Variants in BANK1 observed in about 807,000 individuals in gnomAD.
BANK1 encodes the protein B-cell scaffold protein with ankyrin repeats.
In BANK1, 95 loss-of-function variants were observed where a neutral mutation model predicts 94.5. That is an observed-to-expected ratio of 1.00 (90% CI 0.85 to 1.19). The LOEUF is 1.19. Among genes scored for constraint, BANK1 ranks in the 50% most tolerant of loss-of-function variants. The pLI, the probability that BANK1 is intolerant of heterozygous loss-of-function variation, is 0.00. For synonymous variants in BANK1, 334 were observed against 308.4 expected (o/e 1.08, Z -0.87); for missense variants, 987 against 932.2 (o/e 1.06, Z -0.77).
intron 6 of BANK1, among the ~76,000 whole-genome samples, chr4:101,899,800 A>G (rs577309379): frequency 1.3e-5 from 2 of 152,322 alleles, no homozygotes; most frequent in Admixed American, 1.3e-4. Context: ...CAGACAAGGA[A>G]TTACCTCTGG....
chr4:102,002,472 A>C (rs1426244458), intron 7 of BANK1, among the ~76,000 whole-genome samples: 2 of 152,028 alleles, frequency 1.3e-5, no homozygotes, highest in African/African-American at 2.4e-5. Context: ...ATGCACTCCA[A>C]AATATTAGTA....
intron 7 of BANK1, among the ~76,000 whole-genome samples, chr4:101,985,537 T>C (rs1302738846): frequency 6.6e-6 from 1 of 152,070 alleles, no homozygotes; most frequent in Non-Finnish European, 1.5e-5. Context: ...TAATATTGGG[T>C]AAAGGGTGTT....
chr4:101,974,600 G>A (rs1725061876), intron 7 of BANK1, among the ~76,000 whole-genome samples: 1 of 152,094 alleles, frequency 6.6e-6, no homozygotes, highest in African/African-American at 2.4e-5. Context: ...TGCCAGTAAT[G>A]TTATATGGCC....
At chr4:101,920,648 T>G (rs1722972457) in intron 7 of BANK1, among the ~76,000 whole-genome samples, 1 of 151,940 alleles carries the variant, frequency 6.6e-6, no homozygotes, top group African/African-American at 2.4e-5. Context: ...GGACTACACT[T>G]CTACTGAAGA....
In BANK1 at chr4:102,007,065, AT is replaced by A. The variant is rs1204711835; in HGVS notation, c.1207-14445del. Among the ~76,000 whole-genome samples the A allele has an allele frequency of 2.3e-3, 242 of 103,058 alleles. 4 individuals are homozygous for A. Among genetic ancestry groups the A allele is most frequent in the South Asian group, 0.018 (75 of 4,082 alleles). The allele number at this position is 103,058 out of a possible 152,430, so 67.6% of individuals were successfully genotyped here. ...AATATATATATATATAAAATATATA[AT>A]TTTATATATATATAAATATATATAT... On this transcript the variant is annotated intron_variant, in intron 7 of 16. Coordinates refer to ENST00000322953, the MANE Select transcript of BANK1 (RefSeq NM_017935.5).
intron 6 of BANK1, among the ~76,000 whole-genome samples, chr4:101,908,426 AAT>A (rs1338979942): frequency 1.3e-5 from 2 of 152,238 alleles, no homozygotes; most frequent in Non-Finnish European, 2.9e-5. Context: ...TAAAGACTTA[AAT>A]GTGAGACGTA....
chr4:102,058,557 C>T (rs1728311137), intron 11 of BANK1, among the ~76,000 whole-genome samples: 1 of 151,630 alleles, frequency 6.6e-6, no homozygotes, highest in Non-Finnish European at 1.5e-5. Flanking sequence ...TCTTGTAAAC[C>T]CTACCAAAAA....
intron 11 of BANK1, among the ~76,000 whole-genome samples, chr4:102,057,632 C>G (rs1348269802): frequency 6.6e-6 from 1 of 152,018 alleles, no homozygotes; most frequent in African/African-American, 2.4e-5. Flanking sequence ...CACCTGGACC[C>G]TAGTTATTTA....
At chr4:101,859,419 T>C (rs1246570816) in intron 3 of BANK1, among the ~76,000 whole-genome samples, 1 of 152,204 alleles carries the variant, frequency 6.6e-6, no homozygotes, top group African/African-American at 2.4e-5. Context: ...TCACCTCTTT[T>C]GTTAGGTCTC....
At chr4:101,926,607 T>C (rs1723160233) in intron 7 of BANK1, among the ~76,000 whole-genome samples, 1 of 151,532 alleles carries the variant, frequency 6.6e-6, no homozygotes, top group South Asian at 2.1e-4. Flanking sequence ...AATAAGACTA[T>C]AAATAAATAA....
intron 11 of BANK1, among the ~76,000 whole-genome samples, chr4:102,048,401 A>G (rs1231286557): frequency 2.0e-5 from 3 of 152,168 alleles, no homozygotes; most frequent in Admixed American, 1.3e-4. Context: ...TCATCCAACC[A>G]TATTTCTCTA....
At chr4:101,804,761 A>T (rs2148851803) in intron 1 of BANK1, among the ~76,000 whole-genome samples, 1 of 152,338 alleles carries the variant, frequency 6.6e-6, no homozygotes, top group Admixed American at 6.5e-5. Context: ...AATATAGTAT[A>T]TCAGACATAT....
chr4:101,807,443 G>C (rs770059065), intron 1 of BANK1, among the ~76,000 whole-genome samples: 2 of 152,134 alleles, frequency 1.3e-5, no homozygotes, highest in African/African-American at 4.8e-5. Flanking sequence ...AGGAACCAGA[G>C]CTCCAAACCG....
chr4:101,849,036 C>T (rs1727363853), intron 2 of BANK1, among the ~76,000 whole-genome samples: 1 of 152,166 alleles, frequency 6.6e-6, no homozygotes, highest in Non-Finnish European at 1.5e-5. Context: ...ACTTAGCCCC[C>T]TTGTACTTTA....
At chr4:101,872,988 A>G (rs937668275) in intron 5 of BANK1, among the ~76,000 whole-genome samples, 2 of 151,880 alleles carry the variant, frequency 1.3e-5, no homozygotes, top group African/African-American at 4.8e-5. Flanking sequence ...TCTCTGTCTC[A>G]AAAACTAAAG....
At position 101,867,026 on chromosome 4, in the gene BANK1, G is replaced by T. The variant is rs1728097905; in HGVS notation, c.764-3479G>T. 4.8e-5 allele frequency among the ~76,000 whole-genome samples: 2 copies of T among 41,950 alleles called. 1 individual carries two copies. The highest frequency in any genetic ancestry group is 1.2e-3 in the East Asian group (2 of 1,680). 27.5% of individuals were successfully genotyped at this position (41,950 alleles called of 152,430 possible). ...TCTGGGGACTGTGGTGGGGTCGGGGGAGGGGGGAGGGATAGCATTGGGAGA... is the reference window on the plus strand; with the variant it reads ...TCTGGGGACTGTGGTGGGGTCGGGGTAGGGGGGAGGGATAGCATTGGGAGA... On this transcript the variant is annotated intron_variant, in intron 4 of 16. Coordinates refer to ENST00000322953, the MANE Select transcript of BANK1 (RefSeq NM_017935.5).
intron 1 of BANK1, among the ~76,000 whole-genome samples, chr4:101,826,392 T>G (rs1009580099): frequency 6.6e-6 from 1 of 152,046 alleles, no homozygotes; most frequent in Non-Finnish European, 1.5e-5. Context: ...GAGGAAAACA[T>G]TAGTACTTAC....
rs542613472 is a variant in BANK1 at position 102,073,810 on chromosome 4, G to T, written c.*5+62G>T. 12 of 1,300,234 alleles carry T rather than the reference G, an allele frequency of 9.2e-6. No individual in the cohort carries two copies. The East Asian group carries it at 2.8e-4, about 30-fold the overall frequency. The allele number at this position is 1,300,234 out of a possible 1,614,324, so 80.5% of individuals were successfully genotyped here. A position where few individuals can be genotyped will look rare whatever the true frequency, so the allele number is the denominator to read the frequency against. On this transcript the variant is annotated intron_variant, in intron 16 of 16. Coordinates refer to ENST00000322953, the MANE Select transcript of BANK1 (RefSeq NM_017935.5). ...AAAGCAGCCTTGTTAGGGACTTGAA[G>T]GTATCATTTGTCTAAAAAACAGAAT...
chr4:101,970,298 A>G (rs1481348128), intron 7 of BANK1, among the ~76,000 whole-genome samples: 1 of 152,184 alleles, frequency 6.6e-6, no homozygotes, highest in East Asian at 1.9e-4. Flanking sequence ...CGAGTGTCAG[A>G]GTAATGCAGA....
Sources: allele counts gnomAD v4.1 joint callset (sites outside exome capture counted in the v4.1 genomes callset), GRCh38; gene constraint gnomAD v4.1.1; transcripts MANE v1.5; gene names NCBI Gene and HGNC (gene_info 2026-07-23, HGNC 2026-07-21).